The following NXT1 variants were observed in gnomAD, a reference collection of about 807,000 sequenced individuals.
NXT1 encodes the protein NTF2-related export protein 1.
A neutral mutation model predicts 9.9 loss-of-function variants in NXT1; 3 were observed. That is an observed-to-expected ratio of 0.30 (90% CI 0.14 to 0.79). The LOEUF is 0.79. Ranked by LOEUF, NXT1 falls within the 30% of genes least tolerant of loss-of-function variation. The pLI is 0.63. For missense variants in NXT1, 91 were observed against 178.2 expected, an observed-to-expected ratio of 0.51 and a Z score of 2.79; for synonymous variants, 53 against 66.5, an observed-to-expected ratio of 0.80 and a Z score of 0.99.
Position 23,353,949 on chromosome 20 carries a change from C to T in NXT1, c.-61-32C>T, listed in dbSNP as rs539437079. On this transcript the variant is annotated intron_variant, in intron 1 of 1. Transcript: ENST00000254998. The stretch of plus-strand genomic sequence containing the variant: ...AGGGCAGAATGAACTTTGGCATTCA[C>T]GTGGCTTCTCTTCAACCTTACTTCC... 3.3e-5 allele frequency: 41 copies of T among 1,257,906 alleles called. 1 individual carries two copies. The highest frequency in any genetic ancestry group is 2.0e-4 in the Middle Eastern group (1 of 4,940). The allele number at this position is 1,257,906 out of a possible 1,614,324, so 77.9% of individuals were successfully genotyped here.
chr20:23,354,406 G>C lies in NXT1; in HGVS notation c.365G>C (p.Ser122Thr), dbSNP rs1452300697. The change falls in exon 2 of 2, where the codon AGC becomes ACC. Residue 122 changes from serine (S) to threonine (T), a missense_variant. Physicochemically the swap from Ser to Thr is moderately conservative, Grantham distance 58 (BLOSUM62 1). Coordinates refer to ENST00000254998, the MANE Select transcript of NXT1 (RefSeq NM_013248.3). ...NFILTAQASP[S>T]NTVWKIASDC... is the part of the protein sequence containing the mutation. ...ATCCTGACCGCCCAGGCCTCACCCA[G>C]CAACACAGTGTGGAAGATCGCAAGT... 6 of 1,614,068 alleles carry C rather than the reference G, an allele frequency of 3.7e-6. No homozygotes were observed. The highest frequency in any genetic ancestry group is 5.1e-6 in the Non-Finnish European group (6 of 1,180,052).
chr20:23,353,535 G>T (rs113833966), intron 1 of NXT1, among the ~76,000 whole-genome samples: 1 of 152,150 alleles, frequency 6.6e-6, no homozygotes, highest in Non-Finnish European at 1.5e-5. Context: ...CAAGAAAATC[G>T]CTTGAAGCTG....
chr20:23,352,839 G>A (rs999157326), intron 1 of NXT1, among the ~76,000 whole-genome samples: 1 of 152,136 alleles, frequency 6.6e-6, no homozygotes, highest in African/African-American at 2.4e-5. Flanking sequence ...CTTATCTGGT[G>A]GATGTTAGTA....
chr20:23,353,972 T>TC lies in NXT1; in HGVS notation c.-61-6dup, dbSNP rs1292465214. 15 of 1,498,104 alleles carry TC rather than the reference T, an allele frequency of 1.0e-5. No homozygotes were observed. The highest frequency in any genetic ancestry group is 1.4e-5 in the Non-Finnish European group (15 of 1,099,560). 92.8% of individuals were successfully genotyped at this position (1,498,104 alleles called of 1,614,324 possible). ...CACGTGGCTTCTCTTCAACCTTACTTCCCTGCAGCCCCTGGTTCCCCAAGG... is the reference window on the plus strand; with the variant it reads ...CACGTGGCTTCTCTTCAACCTTACTTCCCCTGCAGCCCCTGGTTCCCCAAGG... On this transcript the variant is annotated splice_polypyrimidine_tract_variant and intron_variant, in intron 1 of 1. Transcript: ENST00000254998.
intron 1 of NXT1, among the ~76,000 whole-genome samples, chr20:23,352,575 ACTATTTTAGTAATGTCCT>A (rs1011545844): frequency 7.2e-5 from 11 of 152,228 alleles, no homozygotes; most frequent in African/African-American, 2.4e-4. Flanking sequence ...GTAAGTATAA[ACTATTTTAGTAATGTCCT>A]CTATTTTAGT....
rs774258639 is a variant in NXT1, at chr20:23,354,213, T to C, written c.172T>C (p.Leu58=). The C allele has an allele frequency of 5.6e-6, 9 of 1,614,102 alleles. No homozygotes were observed. The Admixed American group carries it at 1.0e-4, about 18-fold the overall frequency. Residue 58 remains leucine (L), a synonymous_variant, in exon 2 of 2, where the codon TTG becomes CTG. Coordinates refer to ENST00000254998, the MANE Select transcript of NXT1 (RefSeq NM_013248.3). ...NGNAVSGQES[L]SEFFEMLPSS... Reference sequence around the variant, plus strand: ...CAATGCTGTTTCAGGACAAGAATCCTTGAGTGAGTTTTTTGAAATGTTGCC... The same window carrying C: ...CAATGCTGTTTCAGGACAAGAATCCCTGAGTGAGTTTTTTGAAATGTTGCC...
Position 23,354,176 on chromosome 20 carries a change from G to T in NXT1, c.135G>T (p.Leu45=). Residue 45 remains leucine (L), a synonymous_variant, in exon 2 of 2, where the codon CTG becomes CTT. Coordinates refer to ENST00000254998, the MANE Select transcript of NXT1 (RefSeq NM_013248.3). ...GCCTGTACATGGGCACAGCCACCCTGGTCTGGAATGGCAATGCTGTTTCAG... is the reference window on the plus strand; with the variant it reads ...GCCTGTACATGGGCACAGCCACCCTTGTCTGGAATGGCAATGCTGTTTCAG... ...LSRLYMGTAT[L]VWNGNAVSGQ... The T allele has an allele frequency of 6.2e-7, 1 of 1,614,188 alleles. No homozygotes were observed. The highest frequency in any genetic ancestry group is 8.5e-7 in the Non-Finnish European group (1 of 1,180,040).
At chr20:23,352,165 A>G (rs970330002) in intron 1 of NXT1, among the ~76,000 whole-genome samples, 1 of 152,188 alleles carries the variant, frequency 6.6e-6, no homozygotes, top group African/African-American at 2.4e-5. Flanking sequence ...TGATGAAGGT[A>G]TATAGGAGGA....
At chr20:23,351,120 G>A (rs1346561372) in intron 1 of NXT1, 59 bp downstream of exon 1, 1 of 151,918 alleles carries the variant, frequency 6.6e-6, no homozygotes, top group Admixed American at 6.6e-5. Context: ...CATACCCCAC[G>A]CCCTCCTCCA....
intron 1 of NXT1, among the ~76,000 whole-genome samples, chr20:23,353,298 T>C (rs1288910032): frequency 6.6e-6 from 1 of 152,188 alleles, no homozygotes; most frequent in African/African-American, 2.4e-5. Flanking sequence ...ACAGACCAAA[T>C]CTGCTGATGC....
At position 23,353,484 on chromosome 20, in the gene NXT1, G is replaced by A. The variant is rs2122996723; in HGVS notation, c.-61-497G>A. On this transcript the variant is annotated intron_variant, in intron 1 of 1. Transcript: ENST00000254998. ...AAAATACAAAAGTTAGCCAGGCGTGGTGGCGGGCATCTGTATTCCCAGCTA... is the reference window on the plus strand; with the variant it reads ...AAAATACAAAAGTTAGCCAGGCGTGATGGCGGGCATCTGTATTCCCAGCTA... 1.3e-5 allele frequency among the ~76,000 whole-genome samples: 2 copies of A among 152,312 alleles called. 1 individual carries two copies. Among genetic ancestry groups the A allele is most frequent in the South Asian group, 4.1e-4 (2 of 4,830 alleles).
chr20:23,352,543 A>T (rs1377318119), intron 1 of NXT1, among the ~76,000 whole-genome samples: 2 of 127,996 alleles, frequency 1.6e-5, no homozygotes, highest in African/African-American at 4.3e-5. Flanking sequence ...TTTGAAATGA[A>T]AAAAAACTGT....
intron 1 of NXT1, among the ~76,000 whole-genome samples, chr20:23,351,810 G>A (rs1201287165): frequency 6.6e-6 from 1 of 152,228 alleles, no homozygotes; most frequent in Non-Finnish European, 1.5e-5. Context: ...GTAAACGATA[G>A]ATCAGGAGTG....
intron 1 of NXT1, among the ~76,000 whole-genome samples, chr20:23,352,801 T>C (rs1980309323): frequency 6.6e-6 from 1 of 152,166 alleles, no homozygotes; most frequent in South Asian, 2.1e-4. Context: ...AACATGCCTT[T>C]CTGTGGAGGC....
In NXT1 at chr20:23,354,592, G is replaced by T; in HGVS notation, c.*128G>T. On this transcript the variant is annotated 3_prime_UTR_variant, in exon 2 of 2. Coordinates refer to ENST00000254998, the MANE Select transcript of NXT1 (RefSeq NM_013248.3). Reference sequence around the variant, plus strand: ...TTGCGGAGACACTGCAGACTCCACTGTGCCGAGGTTGAACTCTTTTTTGTT... The same window carrying T: ...TTGCGGAGACACTGCAGACTCCACTTTGCCGAGGTTGAACTCTTTTTTGTT... The T allele has an allele frequency of 9.2e-7, 1 of 1,087,152 alleles. No individual in the cohort carries two copies. Among genetic ancestry groups the T allele is most frequent in the Non-Finnish European group, 1.3e-6 (1 of 768,604 alleles). The allele number at this position is 1,087,152 out of a possible 1,614,324, so 67.3% of individuals were successfully genotyped here. A position where few individuals can be genotyped will look rare whatever the true frequency, so the allele number is the denominator to read the frequency against.
At chr20:23,352,721 T>C (rs538578289) in intron 1 of NXT1, among the ~76,000 whole-genome samples, 1 of 152,310 alleles carries the variant, frequency 6.6e-6, no homozygotes, top group South Asian at 2.1e-4. Flanking sequence ...ACTTTTTTAT[T>C]TGGGGGACAA....
intron 1 of NXT1, among the ~76,000 whole-genome samples, chr20:23,351,795 G>C (rs1015366826): frequency 9.9e-5 from 15 of 152,234 alleles, no homozygotes; most frequent in African/African-American, 3.4e-4. Context: ...CCTCAGTCTA[G>C]TCTTGTAAAC....
At chr20:23,351,236 A>AGG (rs975163453) in intron 1 of NXT1, 175 bp downstream of exon 1, 4 of 152,308 alleles carry the variant, frequency 2.6e-5, no homozygotes, top group Admixed American at 1.3e-4. Flanking sequence ...CTCATCAACG[A>AGG]GGGGAGGCGC....
chr20:23,353,974 C>T lies in NXT1; in HGVS notation c.-61-7C>T. 6.6e-7 allele frequency: 1 copy of T among 1,504,132 alleles called. No individual in the cohort carries two copies. The highest frequency in any genetic ancestry group is 9.1e-7 in the Non-Finnish European group (1 of 1,104,716). 93.2% of individuals were successfully genotyped at this position (1,504,132 alleles called of 1,614,324 possible). ...CGTGGCTTCTCTTCAACCTTACTTCCCTGCAGCCCCTGGTTCCCCAAGGCA... is the reference window on the plus strand; with the variant it reads ...CGTGGCTTCTCTTCAACCTTACTTCTCTGCAGCCCCTGGTTCCCCAAGGCA... On this transcript the variant is annotated splice_polypyrimidine_tract_variant and splice_region_variant and intron_variant, in intron 1 of 1. Coordinates refer to ENST00000254998, the MANE Select transcript of NXT1 (RefSeq NM_013248.3).
Sources: allele counts gnomAD v4.1 joint callset (sites outside exome capture counted in the v4.1 genomes callset), GRCh38; gene constraint gnomAD v4.1.1; transcripts MANE v1.5; gene names NCBI Gene and HGNC (gene_info 2026-07-23, HGNC 2026-07-21).